Variants in CHRM3 observed in about 807,000 individuals in gnomAD.
CHRM3 encodes cholinergic receptor muscarinic 3.
In CHRM3, 11 loss-of-function variants were observed where a neutral mutation model predicts 41.8. That is an observed-to-expected ratio of 0.26 (90% CI 0.17 to 0.44). CHRM3 has a LOEUF of 0.44. CHRM3 is among the 20% of genes least tolerant of loss of function. The probability of loss-of-function intolerance (pLI) is 1.00; values close to 1 mark genes in which losing one functional copy is unlikely to be tolerated. For missense variants in CHRM3, 571 were observed against 745.4 expected, an observed-to-expected ratio of 0.77 and a Z score of 2.72; for synonymous variants, 297 against 301.4, an observed-to-expected ratio of 0.99 and a Z score of 0.15.
rs144637083 is a variant in CHRM3, at chr1:239,824,082, G to A, written c.-146-3170G>A. Among the ~76,000 whole-genome samples, 254 of 152,194 alleles carry A rather than the reference G, an allele frequency of 1.7e-3. 4 individuals are homozygous for A. The highest frequency in any genetic ancestry group is 1.6e-4 in the Non-Finnish European group (11 of 68,018). On this transcript the variant is annotated intron_variant, in intron 5 of 6. Coordinates refer to ENST00000676153, the MANE Select transcript of CHRM3 (RefSeq NM_001375978.1). ...TACGGGCACAGAATGCCAGGCTGCC[G>A]GCGGTGCCCTCTGTCTCGTTGGTGA...
chr1:239,522,294 C>G (rs1302814158), intron 2 of CHRM3, among the ~76,000 whole-genome samples: 1 of 152,178 alleles, frequency 6.6e-6, no homozygotes, highest in Admixed American at 6.5e-5. Context: ...GTGAGAGGGT[C>G]ACATGGAGAC....
intron 1 of CHRM3, among the ~76,000 whole-genome samples, chr1:239,469,776 C>G (rs1312016721): frequency 6.6e-6 from 1 of 152,084 alleles, no homozygotes; most frequent in East Asian, 1.9e-4. Flanking sequence ...AGGGTGGTCC[C>G]AAGTTCCTGA....
intron 3 of CHRM3, among the ~76,000 whole-genome samples, chr1:239,553,522 A>C (rs1233443679): frequency 7.2e-5 from 11 of 152,060 alleles, no homozygotes; most frequent in Non-Finnish European, 1.5e-4. Context: ...ATCATTTAAC[A>C]TGTTTTCTTA....
chr1:239,662,550 C>T (rs1021837870), intron 4 of CHRM3, among the ~76,000 whole-genome samples: 20 of 152,062 alleles, frequency 1.3e-4, no homozygotes, highest in African/African-American at 4.3e-4. Flanking sequence ...GAATTATAGC[C>T]GCAAAGCAAT....
intron 5 of CHRM3, chr1:239,703,078 T>TA (rs918672017): frequency 6.6e-6 from 1 of 152,218 alleles, no homozygotes; most frequent in Non-Finnish European, 1.5e-5. Context: ...TTAGGCTTTA[T>TA]GGCAGTGGGC....
intron 5 of CHRM3, among the ~76,000 whole-genome samples, chr1:239,765,187 T>G (rs569842957): frequency 4.6e-5 from 7 of 152,162 alleles, no homozygotes; most frequent in Admixed American, 1.3e-4. Context: ...GGCCACCCAG[T>G]CTTTTTGCAG....
At chr1:239,505,432 G>T (rs1408516008) in intron 2 of CHRM3, among the ~76,000 whole-genome samples, 1 of 152,104 alleles carries the variant, frequency 6.6e-6, no homozygotes, top group Non-Finnish European at 1.5e-5. Context: ...TTGTGATAGT[G>T]AGTAAGTCTC....
chr1:239,618,843 GAA>G (rs1174760989), intron 3 of CHRM3, among the ~76,000 whole-genome samples: 25 of 76,760 alleles, frequency 3.3e-4, no homozygotes, highest in African/African-American at 7.5e-4. Context: ...GACTCTGTCA[GAA>G]AAAAAAAAAA....
chr1:239,485,909 C>T (rs143507903), intron 1 of CHRM3, among the ~76,000 whole-genome samples: 8 of 152,276 alleles, frequency 5.3e-5, no homozygotes, highest in South Asian at 2.1e-4. Flanking sequence ...TTGGTAGGTA[C>T]GGTCTGTATT....
chr1:239,579,053 CAAAT>C (rs1001808954), intron 3 of CHRM3, among the ~76,000 whole-genome samples: 1 of 152,162 alleles, frequency 6.6e-6, no homozygotes, highest in Non-Finnish European at 1.5e-5. Context: ...CCACTTATCT[CAAAT>C]AAAGGAATTA....
At chr1:239,461,366 T>A (rs946470132) in intron 1 of CHRM3, among the ~76,000 whole-genome samples, 8 of 152,074 alleles carry the variant, frequency 5.3e-5, no homozygotes, top group African/African-American at 1.9e-4. Context: ...ACATAGAAGA[T>A]GGGGTGTTTG....
At chr1:239,677,009 C>A (rs75578443) in intron 4 of CHRM3, among the ~76,000 whole-genome samples, 1 of 152,106 alleles carries the variant, frequency 6.6e-6, no homozygotes, top group Non-Finnish European at 1.5e-5. Flanking sequence ...GGGAGCATGA[C>A]GGCTAGATCT....
chr1:239,802,239 A>G (rs1364643086), intron 5 of CHRM3, among the ~76,000 whole-genome samples: 2 of 152,076 alleles, frequency 1.3e-5, no homozygotes, highest in Admixed American at 6.6e-5. Flanking sequence ...CTTGAATTTT[A>G]TCTCTCTCTC....
intron 5 of CHRM3, among the ~76,000 whole-genome samples, chr1:239,681,556 T>G (rs561763222): frequency 1.3e-5 from 2 of 152,222 alleles, no homozygotes; most frequent in South Asian, 4.2e-4. Context: ...AAAACGTAGC[T>G]AAAAACATGT....
In CHRM3 at chr1:239,915,248, A is replaced by C. The variant is rs1233869549; in HGVS notation, c.*6024A>C. On this transcript the variant is annotated 3_prime_UTR_variant, in exon 7 of 7. Coordinates refer to ENST00000676153, the MANE Select transcript of CHRM3 (RefSeq NM_001375978.1). Reference sequence around the variant, plus strand: ...CAGTGTCCACATCTTTGCCAAAGGCACTGAATTTTACCTTTTTTTATTACC... The same window carrying C: ...CAGTGTCCACATCTTTGCCAAAGGCCCTGAATTTTACCTTTTTTTATTACC... 1 of 167,136 alleles carries C rather than the reference A, an allele frequency of 6.0e-6. No homozygotes were observed. The highest frequency in any genetic ancestry group is 1.5e-5 in the Non-Finnish European group (1 of 68,122). The allele number at this position is 167,136 out of a possible 1,614,324, so 10.4% of individuals were successfully genotyped here.
At chr1:239,391,989 C>T (rs924532936) in intron 1 of CHRM3, among the ~76,000 whole-genome samples, 1 of 152,262 alleles carries the variant, frequency 6.6e-6, no homozygotes, top group Admixed American at 6.5e-5. Context: ...GTTTCTCTAA[C>T]TCCTGTCATA....
At chr1:239,430,655 G>T (rs1240564478) in intron 1 of CHRM3, among the ~76,000 whole-genome samples, 1 of 148,010 alleles carries the variant, frequency 6.8e-6, no homozygotes, top group Non-Finnish European at 1.5e-5. Context: ...AAGATATTAA[G>T]ATGTGTGCAC....
chr1:239,543,711 T>A (rs1323411304), intron 2 of CHRM3, among the ~76,000 whole-genome samples: 2 of 152,072 alleles, frequency 1.3e-5, no homozygotes, highest in Admixed American at 1.3e-4. Context: ...GGTTTCACCA[T>A]GTTAGCCAGG....
At chr1:239,674,506 G>A (rs1571941934) in intron 4 of CHRM3, among the ~76,000 whole-genome samples, 2 of 151,822 alleles carry the variant, frequency 1.3e-5, no homozygotes, top group South Asian at 2.1e-4. Flanking sequence ...TCATGAGATC[G>A]AGACCATCCT....
Sources: allele counts gnomAD v4.1 joint callset (sites outside exome capture counted in the v4.1 genomes callset), GRCh38; gene constraint gnomAD v4.1.1; transcripts MANE v1.5; gene names NCBI Gene and HGNC (gene_info 2026-07-23, HGNC 2026-07-21).